DMXL1: variants seen among roughly 807,000 people sequenced by gnomAD.
The protein encoded by DMXL1 is Dmx like 1.
Under a neutral mutation model 319.2 loss-of-function variants are expected in DMXL1, and 99 were observed. The observed-to-expected ratio is 0.31, with a 90% CI of 0.26 to 0.37. The LOEUF (loss-of-function observed/expected upper bound fraction) is 0.37, where lower values mean the gene tolerates loss of function less well. Among genes scored for constraint, DMXL1 ranks in the 10% least tolerant of loss-of-function variants. DMXL1 has a pLI of 1.00. For synonymous variants in DMXL1, 1,385 were observed against 1,235.2 expected (o/e 1.12, Z -2.54); for missense variants, 3,745 against 3,595.6 (o/e 1.04, Z -1.06).
chr5:119,136,823 G>C (rs1320954714), intron 13 of DMXL1, among the ~76,000 whole-genome samples: 1 of 152,254 alleles, frequency 6.6e-6, no homozygotes, highest in Non-Finnish European at 1.5e-5. Context: ...GAGGATGTAT[G>C]GAAACACCTG....
intron 38 of DMXL1, among the ~76,000 whole-genome samples, chr5:119,227,369 G>A (rs1054026695): frequency 6.6e-6 from 1 of 152,136 alleles, no homozygotes; most frequent in Non-Finnish European, 1.5e-5. Context: ...AGTCTGCTCT[G>A]CTGGAACATT....
At chr5:119,113,883 G>C (rs560482952) in intron 5 of DMXL1, among the ~76,000 whole-genome samples, 2 of 152,260 alleles carry the variant, frequency 1.3e-5, no homozygotes, top group African/African-American at 4.8e-5. Context: ...ATGCATTTGA[G>C]CAAAGAAAAG....
chr5:119,165,655 G>T (rs901353114), intron 21 of DMXL1, among the ~76,000 whole-genome samples: 1 of 152,188 alleles, frequency 6.6e-6, no homozygotes, highest in Non-Finnish European at 1.5e-5. Context: ...GTTCCACGTG[G>T]CTGGGAAGGC....
chr5:119,165,307 G>A (rs1474896853), intron 21 of DMXL1, 27 bp downstream of exon 21: 2 of 1,034,682 alleles, frequency 1.9e-6, no homozygotes, highest in Non-Finnish European at 2.9e-6. Flanking sequence ...AAAAAAAAGG[G>A]TGCTTCAATG....
intron 34 of DMXL1, among the ~76,000 whole-genome samples, chr5:119,214,766 A>G (rs1211105751): frequency 6.6e-6 from 1 of 152,216 alleles, no homozygotes; most frequent in Non-Finnish European, 1.5e-5. Flanking sequence ...TAATGAGGAC[A>G]GGAATGTATT....
chr5:119,135,486 G>A (rs1251347521), intron 13 of DMXL1, among the ~76,000 whole-genome samples: 1 of 152,138 alleles, frequency 6.6e-6, no homozygotes, highest in African/African-American at 2.4e-5. Context: ...AAAACGGACA[G>A]CCAGTTCAGA....
At chr5:119,176,472 T>C (rs1775816266) in intron 26 of DMXL1, among the ~76,000 whole-genome samples, 1 of 152,048 alleles carries the variant, frequency 6.6e-6, no homozygotes, top group Non-Finnish European at 1.5e-5. Flanking sequence ...TTATTTAGGC[T>C]TTATTTTCAT....
At chr5:119,075,200 T>G (rs1333205570) in intron 1 of DMXL1, among the ~76,000 whole-genome samples, 3 of 151,972 alleles carry the variant, frequency 2.0e-5, no homozygotes, top group Admixed American at 2.0e-4. Flanking sequence ...TCATTTAGAT[T>G]TGAGTCCAAA....
At chr5:119,216,710 T>G (rs966818783) in intron 34 of DMXL1, among the ~76,000 whole-genome samples, 191 bp from the exon 35 acceptor site, 27 of 152,160 alleles carry the variant, frequency 1.8e-4, no homozygotes, top group Non-Finnish European at 3.5e-4. Flanking sequence ...AAAAAGCAAG[T>G]TTGAAGAAAT....
chr5:119,175,390 C>A, intron 26 of DMXL1, 53 bp downstream of exon 26: 1 of 1,319,728 alleles, frequency 7.6e-7, no homozygotes, highest in South Asian at 1.2e-5. Flanking sequence ...AATGAGGTTT[C>A]ATATTTTGTA....
intron 1 of DMXL1, among the ~76,000 whole-genome samples, chr5:119,097,746 T>C (rs1470209672): frequency 1.3e-5 from 2 of 151,828 alleles, no homozygotes; most frequent in African/African-American, 4.8e-5. Context: ...TGGACAGAGT[T>C]CAGAGTTGAT....
rs189383903 is a variant in DMXL1 at position 119,120,892 on chromosome 5, A to G, written c.934-79A>G. 216 of 1,159,312 alleles carry G rather than the reference A, an allele frequency of 1.9e-4. No homozygotes were observed. The African/African-American group carries it at 3.2e-3, about 17-fold the overall frequency. The allele number at this position is 1,159,312 out of a possible 1,614,324, so 71.8% of individuals were successfully genotyped here. The stretch of plus-strand genomic sequence containing the variant: ...AATGTTCTGAGCTAGGATATATGTA[A>G]CTTCTGACAATCATTATATAACCTA... On this transcript the variant is annotated intron_variant, in intron 8 of 43. Transcript: ENST00000539542.
chr5:119,207,460 A>T lies in DMXL1; in HGVS notation c.7926+564A>T, dbSNP rs551291035. On this transcript the variant is annotated intron_variant, in intron 34 of 43. Coordinates refer to ENST00000539542, the MANE Select transcript of DMXL1 (RefSeq NM_001290321.3). ...GAGAACCAAAGCACAAAAGATGAGA[A>T]TCTGTATAATTATGAAAAAACTCCT... is the stretch of plus-strand genomic sequence containing the variant. 2.0e-5 allele frequency among the ~76,000 whole-genome samples: 3 copies of T among 152,274 alleles called. No homozygotes were observed. The South Asian group carries it at 6.2e-4, about 32-fold the overall frequency.
At chr5:119,140,889 C>T (rs544018607) in intron 13 of DMXL1, among the ~76,000 whole-genome samples, 10 of 152,220 alleles carry the variant, frequency 6.6e-5, no homozygotes, top group African/African-American at 2.2e-4. Context: ...TCCAGCAGCA[C>T]ATTAAAAAGC....
intron 33 of DMXL1, chr5:119,206,411 A>C (rs1781751563): frequency 6.6e-6 from 1 of 152,612 alleles, no homozygotes; most frequent in African/African-American, 2.4e-5. Context: ...AAATTTTCTA[A>C]TCAAGAGATT....
At chr5:119,213,851 A>G (rs1318638299) in intron 34 of DMXL1, among the ~76,000 whole-genome samples, 1 of 152,196 alleles carries the variant, frequency 6.6e-6, no homozygotes, top group East Asian at 1.9e-4. Flanking sequence ...CAACTTCTTA[A>G]TAATCATTTG....
intron 1 of DMXL1, among the ~76,000 whole-genome samples, chr5:119,094,521 A>G (rs1755499547): frequency 6.6e-6 from 1 of 152,248 alleles, no homozygotes; most frequent in South Asian, 2.1e-4. Flanking sequence ...AAGGAGATTA[A>G]TGTAGTTTTT....
chr5:119,212,333 T>G (rs1782947319), intron 34 of DMXL1, among the ~76,000 whole-genome samples: 1 of 152,242 alleles, frequency 6.6e-6, no homozygotes, highest in Non-Finnish European at 1.5e-5. Flanking sequence ...ACTAGTTTAT[T>G]TCACCAAGCA....
rs1202798705 is a variant in DMXL1, at chr5:119,116,204, C to T, written c.611C>T (p.Thr204Ile). ...KVWYNVENWR[T>I]AVTSPDGSSE... ...TGGTATAATGTAGAAAACTGGCGGA[C>T]AGCTGTTACTTCTCCAGATGGAAGT... is the stretch of plus-strand genomic sequence containing the variant. Residue 204 changes from threonine (T) to isoleucine (I), a missense_variant, in exon 7 of 44, where the codon ACA becomes ATA. By Grantham distance (89) the Thr-to-Ile change is moderately conservative. Coordinates refer to ENST00000539542, the MANE Select transcript of DMXL1 (RefSeq NM_001290321.3). 1 of 1,613,630 alleles carries T rather than the reference C, an allele frequency of 6.2e-7. No individual in the cohort carries two copies. The highest frequency in any genetic ancestry group is 1.7e-5 in the Admixed American group (1 of 59,958).
Sources: gnomAD v4.1 joint callset for allele counts (sites outside exome capture counted in the v4.1 genomes callset) on GRCh38, gnomAD v4.1.1 for gene constraint, MANE v1.5 for transcripts, NCBI Gene and HGNC (gene_info 2026-07-23, HGNC 2026-07-21) for gene names.